The following ACCSL variants were observed in gnomAD, a reference collection of about 807,000 sequenced individuals.
ACCSL encodes probable inactive 1-aminocyclopropane-1-carboxylate synthase-like protein 2.
In ACCSL, 55 loss-of-function variants were observed where a neutral mutation model predicts 61.7. That is an observed-to-expected ratio of 0.89 (90% CI 0.72 to 1.12). The LOEUF is 1.12. ACCSL is among the 50% of genes most tolerant of loss of function. The probability of loss-of-function intolerance (pLI) is 0.00; values close to 1 mark genes in which losing one functional copy is unlikely to be tolerated. For synonymous variants in ACCSL, 258 were observed against 264.3 expected, an observed-to-expected ratio of 0.98 and a Z score of 0.23; for missense variants, 632 against 698.0, an observed-to-expected ratio of 0.91 and a Z score of 1.07.
At chr11:44,026,701 ATT>A in the ACCSL span, among the ~76,000 whole-genome samples, 1 of 151,730 alleles carries the variant, frequency 6.6e-6, no homozygotes, top group African/African-American at 2.4e-5. Flanking sequence ...TGTTATTGTC[ATT>A]GTTTGTTTAT....
chr11:44,044,477 G>A (rs1340832234), upstream of ACCSL, among the ~76,000 whole-genome samples: 4 of 152,140 alleles, frequency 2.6e-5, no homozygotes, highest in East Asian at 7.7e-4. Flanking sequence ...TTTCAATTTT[G>A]CACCTTGTAT....
chr11:44,052,919 C>G (rs116610732), intron 6 of ACCSL, 72 bp from the exon 7 acceptor site: 1 of 1,518,090 alleles, frequency 6.6e-7, no homozygotes, highest in Non-Finnish European at 9.1e-7. Context: ...CAAAGGATTG[C>G]GGGGCTTATG....
the ACCSL span, among the ~76,000 whole-genome samples, chr11:44,012,963 T>C: frequency 6.6e-6 from 1 of 152,140 alleles, no homozygotes; most frequent in East Asian, 1.9e-4. Flanking sequence ...TGGTCCTAAA[T>C]ATCAATAGTG....
chr11:43,950,053 A>T, the ACCSL span, among the ~76,000 whole-genome samples: 2 of 152,230 alleles, frequency 1.3e-5, no homozygotes, highest in Non-Finnish European at 2.9e-5. Flanking sequence ...TTATGTAAAA[A>T]TGCAGATTCA....
At chr11:44,033,764 G>C in the ACCSL span, among the ~76,000 whole-genome samples, 7 of 152,138 alleles carry the variant, frequency 4.6e-5, no homozygotes, top group Non-Finnish European at 7.4e-5. Context: ...ACCTTGTTTG[G>C]GGGGAGAGTA....
rs1952612554 is a variant in ACCSL at position 44,048,258 on chromosome 11, A to G, written c.222A>G (p.Leu74=). 3 of 1,614,000 alleles carry G rather than the reference A, an allele frequency of 1.9e-6. No homozygotes were observed. The highest frequency in any genetic ancestry group is 1.3e-5 in the African/African-American group (1 of 74,922). Residue 74 remains leucine (L), a synonymous_variant, in exon 1 of 14, where the codon TTA becomes TTG. Coordinates refer to ENST00000378832, the MANE Select transcript of ACCSL (RefSeq NM_001031854.2). The part of the protein sequence containing the change: ...ICEHEALLSR[L]ICRMINLLQS... Reference sequence around the variant, plus strand: ...AGCATGAAGCCCTTCTGAGTCGCTTAATATGCCGGATGATCAACCTCCTAC... The same window carrying G: ...AGCATGAAGCCCTTCTGAGTCGCTTGATATGCCGGATGATCAACCTCCTAC...
At chr11:43,924,360 G>A in the ACCSL span, among the ~76,000 whole-genome samples, 1 of 152,240 alleles carries the variant, frequency 6.6e-6, no homozygotes, top group Non-Finnish European at 1.5e-5. Flanking sequence ...GGCAGCCTGG[G>A]TGGTAGGAGC....
At chr11:44,025,766 T>C in the ACCSL span, among the ~76,000 whole-genome samples, 3 of 151,756 alleles carry the variant, frequency 2.0e-5, no homozygotes, top group African/African-American at 7.2e-5. Flanking sequence ...AAAAAAAATC[T>C]AGGAATGTCT....
intron 1 of ACCSL, among the ~76,000 whole-genome samples, chr11:44,049,702 G>A (rs570934859): frequency 5.3e-4 from 81 of 152,262 alleles, no homozygotes; most frequent in African/African-American, 1.9e-3. Context: ...TTTCACCCAA[G>A]GTCACATGGC....
chr11:44,039,823 T>C, the ACCSL span, among the ~76,000 whole-genome samples: 1 of 152,222 alleles, frequency 6.6e-6, no homozygotes, highest in Non-Finnish European at 1.5e-5. Flanking sequence ...TGGCCTTGCT[T>C]CTGTGTAGAC....
chr11:44,041,140 G>C, the ACCSL span, among the ~76,000 whole-genome samples: 1 of 152,226 alleles, frequency 6.6e-6, no homozygotes, highest in Non-Finnish European at 1.5e-5. Context: ...TTGTGGTTCA[G>C]AGAATTCTAT....
At chr11:43,990,428 C>A in the ACCSL span, among the ~76,000 whole-genome samples, 490 of 152,174 alleles carry the variant, frequency 3.2e-3, 2 homozygotes, top group African/African-American at 0.011. Context: ...CGTTTCCTCG[C>A]GAGGTAGAAG....
In ACCSL at chr11:44,050,095, C is replaced by A. The variant is rs988421675; in HGVS notation, c.538C>A (p.Leu180Ile). 2 of 1,613,998 alleles carry A rather than the reference C, an allele frequency of 1.2e-6. No individual in the cohort carries two copies. The highest frequency in any genetic ancestry group is 2.7e-5 in the African/African-American group (2 of 74,894). Reference sequence around the variant, plus strand: ...TAACCTTGGCACCAGTGAGAACAAGCTCTGCATGGATCTGATGACTGAAAG... The same window carrying A: ...TAACCTTGGCACCAGTGAGAACAAGATCTGCATGGATCTGATGACTGAAAG... ...FINLGTSENK[L>I]CMDLMTERLQ... Residue 180 changes from leucine to isoleucine, a missense_variant, in exon 2 of 14, where the codon CTC (leucine) becomes ATC (isoleucine). Leu to Ile is a conservative substitution (Grantham distance 5). Transcript: ENST00000378832.
chr11:44,035,959 A>AAAT, the ACCSL span, among the ~76,000 whole-genome samples: 3 of 150,554 alleles, frequency 2.0e-5, no homozygotes, highest in South Asian at 6.3e-4. Flanking sequence ...AAAAAAAAAA[A>AAAT]AGAAAGAAAG....
At chr11:43,922,810 ATACT>A in the ACCSL span, among the ~76,000 whole-genome samples, 1 of 152,160 alleles carries the variant, frequency 6.6e-6, no homozygotes, top group African/African-American at 2.4e-5. Flanking sequence ...CTTTTTCACA[ATACT>A]TACCAACACC....
chr11:43,982,609 A>G, the ACCSL span, among the ~76,000 whole-genome samples: 1 of 152,128 alleles, frequency 6.6e-6, no homozygotes, highest in African/African-American at 2.4e-5. Context: ...GCAGGTGCGG[A>G]TGTGTCTGCT....
the ACCSL span, among the ~76,000 whole-genome samples, chr11:43,926,230 G>A: frequency 6.9e-4 from 105 of 152,234 alleles, no homozygotes; most frequent in African/African-American, 2.3e-3. Context: ...GTGGCCTTGC[G>A]TTGATGCTCT....
At chr11:43,930,825 GCA>G in the ACCSL span, among the ~76,000 whole-genome samples, 3 of 152,054 alleles carry the variant, frequency 2.0e-5, no homozygotes, top group East Asian at 5.8e-4. Context: ...ACACACACAT[GCA>G]CACACGCACA....
chr11:44,001,830 T>TGTGTGTGTGTGTGTG, the ACCSL span, among the ~76,000 whole-genome samples: 1 of 105,170 alleles, frequency 9.5e-6, no homozygotes, highest in African/African-American at 3.7e-5. Flanking sequence ...TGTGTGTGTG[T>TGTGTGTGTGTGTGTG]AGAGGGTGGG....
Sources: allele counts gnomAD v4.1 joint callset (sites outside exome capture counted in the v4.1 genomes callset), GRCh38; gene constraint gnomAD v4.1.1; transcripts MANE v1.5; gene names NCBI Gene and HGNC (gene_info 2026-07-23, HGNC 2026-07-21).